Variants in RASSF8 observed in about 807,000 individuals in gnomAD.
RASSF8 encodes the protein Ras association domain family member 8, also known as ras association domain-containing protein 8.
RASSF8 carries 22 observed loss-of-function variants against 48.5 expected under a neutral mutation model. The ratio of observed to expected loss-of-function variants is 0.45; its 90% CI spans 0.32 to 0.65. The LOEUF is 0.65. Among genes scored for constraint, RASSF8 ranks in the 30% least tolerant of loss-of-function variants. RASSF8 has a pLI of 0.03. For synonymous variants in RASSF8, 127 were observed against 171.5 expected, an observed-to-expected ratio of 0.74 and a Z score of 2.03; for missense variants, 418 against 489.2, an observed-to-expected ratio of 0.85 and a Z score of 1.37.
downstream of RASSF8, among the ~76,000 whole-genome samples, chr12:26,073,722 A>C (rs1944039149): frequency 8.0e-6 from 1 of 125,062 alleles, no homozygotes. Flanking sequence ...CTGAACAACA[A>C]AAGCGAGACT....
At chr12:25,960,111 T>C (rs892438181) in intron 1 of RASSF8, among the ~76,000 whole-genome samples, 60 of 152,128 alleles carry the variant, frequency 3.9e-4, no homozygotes, top group African/African-American at 1.4e-3. Flanking sequence ...TTCCAGTAGA[T>C]TGTGGCTCAG....
chr12:26,069,327 T>C lies in RASSF8; in HGVS notation c.*509T>C. 4.1e-6 allele frequency: 4 copies of C among 984,578 alleles called. No homozygotes were observed. Among genetic ancestry groups the C allele is most frequent in the Non-Finnish European group, 3.6e-6 (3 of 829,098 alleles). The allele number at this position is 984,578 out of a possible 1,614,324, so 61.0% of individuals were successfully genotyped here. On this transcript the variant is annotated 3_prime_UTR_variant, in exon 6 of 6. Transcript: ENST00000689635. ...GCTGATTTACACTACACAAGTGTCC[T>C]AGGGTGCTCCACCATCGAAGCTAAC...
chr12:25,988,101 T>G (rs1941930199), intron 1 of RASSF8, among the ~76,000 whole-genome samples: 1 of 151,788 alleles, frequency 6.6e-6, no homozygotes, highest in Non-Finnish European at 1.5e-5. Flanking sequence ...GACCTCGTGA[T>G]CTGCCTGCCT....
chr12:26,000,124 A>C (rs1942222081), intron 2 of RASSF8, among the ~76,000 whole-genome samples: 1 of 152,236 alleles, frequency 6.6e-6, no homozygotes, highest in African/African-American at 2.4e-5. Context: ...GTAAAGAAGA[A>C]TAATGAAGGA....
intron 2 of RASSF8, among the ~76,000 whole-genome samples, chr12:26,023,653 C>A (rs1033694954): frequency 6.7e-6 from 1 of 149,928 alleles, no homozygotes. Context: ...AATTTGAATC[C>A]GCATTAAAAA....
rs557220350 is a variant in RASSF8 at position 25,970,200 on chromosome 12, G to A, written c.-203+11052G>A. 7.9e-5 allele frequency among the ~76,000 whole-genome samples: 12 copies of A among 151,364 alleles called. No individual in the cohort carries two copies. The East Asian group carries it at 1.2e-3, about 15-fold the overall frequency. Reference sequence around the variant, plus strand: ...ATTTCTGTTATGAGTGATCTCACCCGTCACCCACCTTCATTGTTTTTACTC... The same window carrying A: ...ATTTCTGTTATGAGTGATCTCACCCATCACCCACCTTCATTGTTTTTACTC... On this transcript the variant is annotated intron_variant, in intron 1 of 5. Coordinates refer to ENST00000689635, the MANE Select transcript of RASSF8 (RefSeq NM_001394098.1).
At chr12:26,067,485 T>G in intron 4 of RASSF8, 84 bp from the exon 5 acceptor site, 1 of 1,375,928 alleles carries the variant, frequency 7.3e-7, no homozygotes. Context: ...ATTTAACCCC[T>G]GTAGCAGATG....
chr12:25,995,926 G>T (rs1190543471), intron 2 of RASSF8, among the ~76,000 whole-genome samples: 6 of 152,130 alleles, frequency 3.9e-5, no homozygotes, highest in African/African-American at 1.4e-4. Flanking sequence ...TTATGTGTGT[G>T]CATTTTTAAC....
At chr12:26,009,318 A>T (rs181988713) in intron 2 of RASSF8, among the ~76,000 whole-genome samples, 58 of 152,334 alleles carry the variant, frequency 3.8e-4, no homozygotes, top group Admixed American at 5.9e-4. Flanking sequence ...AGGAGCACAG[A>T]CCTTATTTCT....
chr12:25,984,153 T>G (rs1941812532), intron 1 of RASSF8, among the ~76,000 whole-genome samples: 1 of 151,400 alleles, frequency 6.6e-6, no homozygotes, highest in Non-Finnish European at 1.5e-5. Flanking sequence ...CTCTAACTCT[T>G]GGACTCGAGC....
At chr12:26,006,489 C>A (rs1370254564) in intron 2 of RASSF8, among the ~76,000 whole-genome samples, 2 of 152,318 alleles carry the variant, frequency 1.3e-5, no homozygotes, top group South Asian at 4.1e-4. Flanking sequence ...TAACTGTCAT[C>A]CTTTTTATTA....
chr12:25,961,345 A>G (rs959446204), intron 1 of RASSF8, among the ~76,000 whole-genome samples: 1 of 152,222 alleles, frequency 6.6e-6, no homozygotes, highest in Non-Finnish European at 1.5e-5. Flanking sequence ...ACTCTTTGCA[A>G]GTAAAAGTGG....
Position 26,069,282 on chromosome 12 carries a change from C to A in RASSF8, c.*464C>A. 1 of 984,494 alleles carries A rather than the reference C, an allele frequency of 1.0e-6. No homozygotes were observed. Among genetic ancestry groups the A allele is most frequent in the Non-Finnish European group, 1.2e-6 (1 of 828,442 alleles). 61.0% of individuals were successfully genotyped at this position (984,494 alleles called of 1,614,324 possible). ...TGTGATTATGACCGTGTGCATGTTGCCAGACTCCATCCATGCATTGCTGAT... is the reference window on the plus strand; with the variant it reads ...TGTGATTATGACCGTGTGCATGTTGACAGACTCCATCCATGCATTGCTGAT... On this transcript the variant is annotated 3_prime_UTR_variant, in exon 6 of 6. Coordinates refer to ENST00000689635, the MANE Select transcript of RASSF8 (RefSeq NM_001394098.1).
downstream of RASSF8, among the ~76,000 whole-genome samples, chr12:26,073,911 A>T (rs1443923583): frequency 6.6e-6 from 1 of 151,806 alleles, no homozygotes; most frequent in East Asian, 1.9e-4. Context: ...TAGTAATTTC[A>T]ACTTTCTTTA....
At chr12:25,986,922 T>TGTTTG (rs1555160462) in intron 1 of RASSF8, among the ~76,000 whole-genome samples, 3 of 28,726 alleles carry the variant, frequency 1.0e-4, no homozygotes, top group East Asian at 2.5e-3. Flanking sequence ...CTACCGTTTT[T>TGTTTG]TTTTTTTGTT....
chr12:25,992,520 G>A (rs1942038456), intron 1 of RASSF8, among the ~76,000 whole-genome samples: 1 of 152,186 alleles, frequency 6.6e-6, no homozygotes, highest in South Asian at 2.1e-4. Context: ...GTTTTGATAA[G>A]GGGAGTTTCC....
intron 3 of RASSF8, among the ~76,000 whole-genome samples, chr12:26,060,410 G>C (rs1204426295): frequency 6.6e-6 from 1 of 152,076 alleles, no homozygotes; most frequent in African/African-American, 2.4e-5. Context: ...TATTTTAGTA[G>C]TTTCACTCAG....
chr12:26,042,603 A>G (rs1158714065), intron 2 of RASSF8, among the ~76,000 whole-genome samples: 1 of 151,510 alleles, frequency 6.6e-6, no homozygotes, highest in African/African-American at 2.4e-5. Flanking sequence ...ATAATTTTAT[A>G]CTGTGCTGAT....
chr12:26,040,629 C>T (rs1943244056), intron 2 of RASSF8, among the ~76,000 whole-genome samples: 1 of 152,174 alleles, frequency 6.6e-6, no homozygotes, highest in Admixed American at 6.5e-5. Flanking sequence ...TCCCATGCCA[C>T]ACTGCTGACA....
Sources: gnomAD v4.1 joint callset for allele counts (sites outside exome capture counted in the v4.1 genomes callset) on GRCh38, gnomAD v4.1.1 for gene constraint, MANE v1.5 for transcripts, NCBI Gene and HGNC (gene_info 2026-07-23, HGNC 2026-07-21) for gene names.